SNTA1: variants seen among roughly 807,000 people sequenced by gnomAD.
The protein encoded by SNTA1 is alpha-1-syntrophin.
SNTA1 carries 31 observed loss-of-function variants against 47.1 expected under a neutral mutation model. That is an observed-to-expected ratio of 0.66 (90% CI 0.49 to 0.89). The LOEUF is 0.89. Among genes scored for constraint, SNTA1 ranks in the 40% least tolerant of loss-of-function variants. The pLI, the probability that SNTA1 is intolerant of heterozygous loss-of-function variation, is 0.00. For missense variants in SNTA1, 575 were observed against 693.0 expected, an observed-to-expected ratio of 0.83 and a Z score of 1.91; for synonymous variants, 300 against 313.6, an observed-to-expected ratio of 0.96 and a Z score of 0.46.
Position 33,408,770 on chromosome 20 carries a change from C to T in SNTA1, c.1356G>A (p.Lys452=), listed in dbSNP as rs538593147. The part of the protein sequence containing the change: ...RAVLLRQPFE[K]LQMSSDDGAS... ...CACCGTCATCTGAAGACATCTGCAGCTTCTCGAAGGGCTGTCGCAGGAGCA... is the reference window on the plus strand; with the variant it reads ...CACCGTCATCTGAAGACATCTGCAGTTTCTCGAAGGGCTGTCGCAGGAGCA... The change falls in exon 7 of 8, where the codon AAG becomes AAA. Residue 452 remains lysine (K), a synonymous_variant. Transcript: ENST00000217381. 1.2e-6 allele frequency: 2 copies of T among 1,614,198 alleles called. No homozygotes were observed. Among genetic ancestry groups the T allele is most frequent in the East Asian group, 2.2e-5 (1 of 44,878 alleles).
chr20:33,437,518 C>A (rs1443284522), intron 2 of SNTA1, among the ~76,000 whole-genome samples: 2 of 151,080 alleles, frequency 1.3e-5, no homozygotes, highest in African/African-American at 2.4e-5. Context: ...ATTTTATTTT[C>A]TTTATTTAAA....
At position 33,412,234 on chromosome 20, in the gene SNTA1, G is replaced by A; in HGVS notation, c.1040+62C>T. 7.7e-6 allele frequency: 12 copies of A among 1,558,378 alleles called. No individual in the cohort carries two copies. The South Asian group carries it at 1.4e-4, about 18-fold the overall frequency. ...AGGGCTGGAGTTCCCAGCTTCTGGG[G>A]CCCTGCTGGAGCATCTCCTGGCAAG... On this transcript the variant is annotated intron_variant, in intron 5 of 7. Transcript: ENST00000217381.
chr20:33,417,587 T>C, intron 3 of SNTA1, 132 bp downstream of exon 3: 1 of 707,876 alleles, frequency 1.4e-6, no homozygotes, highest in South Asian at 1.6e-5. Context: ...CCAGTCAATC[T>C]ATTTTTTAAG....
intron 6 of SNTA1, 112 bp from the exon 7 acceptor site, chr20:33,409,000 G>A: frequency 1.1e-6 from 1 of 936,212 alleles, no homozygotes; most frequent in Non-Finnish European, 1.7e-6. Context: ...CCAGGGATGG[G>A]AGGCTCACTG....
intron 5 of SNTA1, among the ~76,000 whole-genome samples, chr20:33,411,938 GT>G (rs1182587517): frequency 1.3e-5 from 2 of 152,190 alleles, no homozygotes; most frequent in Non-Finnish European, 2.9e-5. Context: ...CCCCAACAGA[GT>G]TAAGTGGCTC....
Position 33,412,573 on chromosome 20 carries a change from A to G in SNTA1, c.909+2T>C. ...GGGATAGGTCCCAGGCCCAGCAGGT[A>G]CCTGCTCAGTTAGCCAGCCAATCTG... On this transcript the variant is annotated splice_donor_variant, in intron 4 of 7. Coordinates refer to ENST00000217381, the MANE Select transcript of SNTA1 (RefSeq NM_003098.3). LOFTEE classifies it high-confidence loss of function. The G allele has an allele frequency of 6.2e-7, 1 of 1,612,800 alleles. No individual in the cohort carries two copies. The highest frequency in any genetic ancestry group is 1.8e-4 in the Middle Eastern group (1 of 5,412).
rs749033540 is a variant in SNTA1, at chr20:33,412,628, T to C, written c.856A>G (p.Thr286Ala). Residue 286 changes from threonine (T) to alanine (A), a missense_variant, in exon 4 of 8, where the codon ACC becomes GCC. Thr to Ala is a moderately conservative substitution (Grantham distance 58). Transcript: ENST00000217381. Reference protein sequence around the residue: ...KDELQALLAATSTAGSQDIKQ... With the variant: ...KDELQALLAAASTAGSQDIKQ... ...ATGTCCTGGCTCCCAGCTGTGCTGG[T>C]GGCTGCCAACAGTGCCTGCAGCTCA... The C allele has an allele frequency of 6.2e-7, 1 of 1,613,966 alleles. No individual in the cohort carries two copies. The highest frequency in any genetic ancestry group is 8.5e-7 in the Non-Finnish European group (1 of 1,180,010).
intron 3 of SNTA1, among the ~76,000 whole-genome samples, chr20:33,416,679 A>G (rs1989884423): frequency 6.6e-6 from 1 of 151,814 alleles, no homozygotes; most frequent in African/African-American, 2.4e-5. Context: ...AGTTGCTTAC[A>G]CCTATAATCC....
In SNTA1 at chr20:33,419,071, G is replaced by A. The variant is rs147321446; in HGVS notation, c.497-1148C>T. ...AAAGGTTGCAATGAGCCAAGATTGC[G>A]CACTCCAGCCTGGACGATGAAGTGC... On this transcript the variant is annotated intron_variant, in intron 2 of 7. Coordinates refer to ENST00000217381, the MANE Select transcript of SNTA1 (RefSeq NM_003098.3). Among the ~76,000 whole-genome samples the A allele has an allele frequency of 6.9e-3, 1,051 of 151,832 alleles. 4 individuals carry two copies. The highest frequency in any genetic ancestry group is 0.011 in the South Asian group (53 of 4,802).
intron 4 of SNTA1, 68 bp from the exon 5 acceptor site, chr20:33,412,494 G>A (rs1374270829): frequency 1.2e-6 from 2 of 1,602,022 alleles, no homozygotes; most frequent in East Asian, 4.5e-5. Context: ...GGCAGGGTGA[G>A]GTGGCCAGGG....
chr20:33,440,893 T>C (rs1240020116), intron 1 of SNTA1, among the ~76,000 whole-genome samples: 1 of 152,212 alleles, frequency 6.6e-6, no homozygotes, highest in Non-Finnish European at 1.5e-5. Context: ...AAGTCGGCTA[T>C]TCCTATGGCC....
intron 2 of SNTA1, among the ~76,000 whole-genome samples, chr20:33,432,315 C>G (rs1467146954): frequency 6.6e-6 from 1 of 152,174 alleles, no homozygotes; most frequent in East Asian, 1.9e-4. Flanking sequence ...GGGAGCTGGC[C>G]TTAGAGTTCT....
rs1483766095 is a variant in SNTA1, at chr20:33,438,959, T to C, written c.378A>G (p.Thr126=). The C allele has an allele frequency of 1.9e-6, 3 of 1,614,184 alleles. No homozygotes were observed. The South Asian group carries it at 3.3e-5, about 18-fold the overall frequency. Residue 126 remains threonine (T), a synonymous_variant, in exon 2 of 8, where the codon ACA becomes ACG. Transcript: ENST00000217381. The stretch of plus-strand genomic sequence containing the variant: ...TGGCATCCCCCACAAAAAGGGCCTC[T>C]GTCTGGTCAGCTGCCAATCCCTTGA... ...KIFKGLAADQ[T]EALFVGDAIL...
intron 2 of SNTA1, among the ~76,000 whole-genome samples, chr20:33,423,599 A>T (rs1990087026): frequency 6.6e-6 from 1 of 152,166 alleles, no homozygotes. Flanking sequence ...AGCTCTGCCA[A>T]GGAGGGAAGC....
chr20:33,441,493 G>A (rs1047322387), intron 1 of SNTA1, among the ~76,000 whole-genome samples: 9 of 152,128 alleles, frequency 5.9e-5, no homozygotes, highest in Non-Finnish European at 8.8e-5. Flanking sequence ...AGGCCCGACC[G>A]TTTGCTTATC....
intron 2 of SNTA1, among the ~76,000 whole-genome samples, chr20:33,430,627 A>G (rs1990281799): frequency 6.6e-6 from 1 of 151,830 alleles, no homozygotes; most frequent in Admixed American, 6.6e-5. Context: ...GAAGTGACAT[A>G]ACCTGTAGTG....
intron 3 of SNTA1, among the ~76,000 whole-genome samples, chr20:33,416,444 G>A (rs1203176817): frequency 6.6e-6 from 1 of 152,218 alleles, no homozygotes; most frequent in African/African-American, 2.4e-5. Context: ...CCAGGATTGA[G>A]GCAAGTGCCA....
chr20:33,437,195 G>A (rs1316144836), intron 2 of SNTA1, among the ~76,000 whole-genome samples: 5 of 151,536 alleles, frequency 3.3e-5, no homozygotes, highest in Admixed American at 6.6e-5. Flanking sequence ...CCCGGGAGAC[G>A]GAGGTTGCAG....
At chr20:33,417,187 C>T (rs1989897701) in intron 3 of SNTA1, among the ~76,000 whole-genome samples, 1 of 152,028 alleles carries the variant, frequency 6.6e-6, no homozygotes, top group African/African-American at 2.4e-5. Flanking sequence ...TCTGTGAGAG[C>T]TAAATAATAT....
Sources: gnomAD v4.1 joint callset for allele counts (sites outside exome capture counted in the v4.1 genomes callset) on GRCh38, gnomAD v4.1.1 for gene constraint, MANE v1.5 for transcripts, NCBI Gene and HGNC (gene_info 2026-07-23, HGNC 2026-07-21) for gene names.